HSPBP1: variants seen among roughly 807,000 people sequenced by gnomAD.
HSPBP1 encodes the protein HSPA (Hsp70) binding protein 1.
HSPBP1 carries 31 observed loss-of-function variants against 41.7 expected under a neutral mutation model. The observed-to-expected ratio is 0.74, with a 90% CI of 0.56 to 1.00. The LOEUF is 1.00. HSPBP1 is among the 50% of genes least tolerant of loss of function. The probability of loss-of-function intolerance (pLI) is 0.00; values close to 1 mark genes in which losing one functional copy is unlikely to be tolerated. For synonymous variants in HSPBP1, 199 were observed against 214.4 expected (o/e 0.93, Z 0.63); for missense variants, 439 against 487.9 (o/e 0.90, Z 0.94).
intron 7 of HSPBP1, among the ~76,000 whole-genome samples, chr19:55,264,164 T>G (rs935765876): frequency 1.3e-5 from 2 of 152,130 alleles, no homozygotes; most frequent in Non-Finnish European, 2.9e-5. Flanking sequence ...AGATGGGGTT[T>G]TACCATGTTG....
rs192551318 is a variant in HSPBP1, at chr19:55,278,536, C to T, written c.211-690G>A. On this transcript the variant is annotated intron_variant, in intron 2 of 7. Transcript: ENST00000433386. The stretch of plus-strand genomic sequence containing the variant: ...GTATATATCATTGTTATCCCCACTT[C>T]GCAGATGAGAAAGTTGAGTCACAGA... Among the ~76,000 whole-genome samples, 174 of 152,218 alleles carry T rather than the reference C, an allele frequency of 1.1e-3. No homozygotes were observed. The Middle Eastern group carries it at 0.014, about 12-fold the overall frequency.
At position 55,262,588 on chromosome 19, in the gene HSPBP1, G is replaced by C. The variant is rs759545944; in HGVS notation, c.*20C>G. On this transcript the variant is annotated 3_prime_UTR_variant, in exon 8 of 8. Transcript: ENST00000433386. ...AGGCCTGGGGTTCCCACGGAGAAGG[G>C]GGCAAGAAGCCACCTGGTTTCACCG... 6 of 1,612,948 alleles carry C rather than the reference G, an allele frequency of 3.7e-6. No individual in the cohort carries two copies. Among genetic ancestry groups the C allele is most frequent in the Non-Finnish European group, 5.1e-6 (6 of 1,179,460 alleles).
At position 55,262,638 on chromosome 19, in the gene HSPBP1, G is replaced by A. The variant is rs1250473731; in HGVS notation, c.1050C>T (p.Ser350=). 1.9e-6 allele frequency: 3 copies of A among 1,613,898 alleles called. No individual in the cohort carries two copies. The highest frequency in any genetic ancestry group is 1.7e-6 in the Non-Finnish European group (2 of 1,179,876). Residue 350 remains serine, a synonymous_variant, in exon 8 of 8, where the codon TCC becomes TCT. Transcript: ENST00000433386. ...GATCCATGCTGTCGTCCGCTGGGCT[G>A]GAGAAACAGGTCTGTAGCAGCTTTT... ...FCEKLLQTCF[S]SPADDSMDR
At chr19:55,265,621 G>C (rs2087755033) in intron 6 of HSPBP1, among the ~76,000 whole-genome samples, 1 of 152,010 alleles carries the variant, frequency 6.6e-6, no homozygotes, top group Non-Finnish European at 1.5e-5. Flanking sequence ...GTGCTGTTGA[G>C]AGCTCCAGCA....
chr19:55,274,347 A>AACCC, intron 4 of HSPBP1, 51 bp downstream of exon 4: 2 of 325,718 alleles, frequency 6.1e-6, no homozygotes, highest in Non-Finnish European at 5.7e-6. Flanking sequence ...CCCACCCGGC[A>AACCC]CCCCCCCCCA....
At chr19:55,266,069 C>G in intron 5 of HSPBP1, 62 bp downstream of exon 5, 1 of 1,570,170 alleles carries the variant, frequency 6.4e-7, no homozygotes. Context: ...CCTTCTCCCA[C>G]ACCTGCACCC....
In HSPBP1 at chr19:55,279,394, T is replaced by A. The variant is rs200635936; in HGVS notation, c.210+5A>T. 6.8e-5 allele frequency: 107 copies of A among 1,582,900 alleles called. No individual in the cohort carries two copies. In the African/African-American group the frequency reaches 1.4e-3, roughly 21 times the overall value. ...ACCCCAGCTTCTTGGGTCCCCATCC[T>A]TTACCTCCTCACTCATCGGTTCTGG... is the stretch of plus-strand genomic sequence containing the variant. On this transcript the variant is annotated splice_donor_5th_base_variant and intron_variant, in intron 2 of 7. Coordinates refer to ENST00000433386, the MANE Select transcript of HSPBP1 (RefSeq NM_012267.5).
intron 4 of HSPBP1, among the ~76,000 whole-genome samples, chr19:55,274,181 C>T (rs956937173): frequency 3.3e-5 from 5 of 152,190 alleles, no homozygotes; most frequent in South Asian, 2.1e-4. Flanking sequence ...GTGGTCTCCC[C>T]GGGAAGTGGT....
Position 55,265,319 on chromosome 19 carries a change from G to A in HSPBP1, c.964C>T (p.Arg322Cys), listed in dbSNP as rs374027253. ...TGCTGCAGCAGCTGACAGCGGTGGC[G>A]GAGGAGCTCCTCCAGGCCCAGTTCC... is the stretch of plus-strand genomic sequence containing the variant. ...EPELGLEELL[R>C]HRCQLLQQHE... is the part of the protein sequence containing the mutation. The change falls in exon 7 of 8, where the codon CGC becomes TGC. Residue 322 changes from arginine to cysteine, a missense_variant. Arg to Cys is a radical substitution (Grantham distance 180, BLOSUM62 -3). Transcript: ENST00000433386. 9 of 1,612,676 alleles carry A rather than the reference G, an allele frequency of 5.6e-6. No homozygotes were observed. Among genetic ancestry groups the A allele is most frequent in the South Asian group, 2.2e-5 (2 of 91,038 alleles).
At position 55,272,826 on chromosome 19, in the gene HSPBP1, G is replaced by A. The variant is rs1202096782; in HGVS notation, c.640+1572C>T. On this transcript the variant is annotated intron_variant, in intron 4 of 7. Transcript: ENST00000433386. This position sits in a 1 kb window ranked among gnomAD's most constrained non-coding sequence, Gnocchi z 4.2. Reference sequence around the variant, plus strand: ...GCGCTCCAGCCTGGGTGACAAGAGCGAGACTCTGTCTCAAAAAAAAAAAAA... The same window carrying A: ...GCGCTCCAGCCTGGGTGACAAGAGCAAGACTCTGTCTCAAAAAAAAAAAAA... Among the ~76,000 whole-genome samples, 13 of 145,618 alleles carry A rather than the reference G, an allele frequency of 8.9e-5. No individual in the cohort carries two copies. Among genetic ancestry groups the A allele is most frequent in the African/African-American group, 2.3e-4 (9 of 38,614 alleles).
intron 7 of HSPBP1, among the ~76,000 whole-genome samples, chr19:55,264,679 A>C (rs898694802): frequency 6.6e-6 from 1 of 152,192 alleles, no homozygotes; most frequent in South Asian, 2.1e-4. Context: ...ATGTAAAACA[A>C]CTGTATTGGG....
intron 4 of HSPBP1, among the ~76,000 whole-genome samples, chr19:55,274,091 CG>C: frequency 6.6e-6 from 1 of 152,094 alleles, no homozygotes; most frequent in East Asian, 1.9e-4. Context: ...GGACGGCCCC[CG>C]AGAGAGTGAA....
rs1482190077 is a variant in HSPBP1, at chr19:55,279,482, G to A, written c.127C>T (p.Arg43Cys). 3 of 1,606,518 alleles carry A rather than the reference G, an allele frequency of 1.9e-6. No homozygotes were observed. The highest frequency in any genetic ancestry group is 2.2e-5 in the East Asian group (1 of 44,748). ...AGGSGNSRPP[R>C]NLQGLLQMAI... ...ATCTGCAGCAAGCCTTGGAGGTTGC[G>A]TGGGGGCCGGGAATTGCCCGAGCCC... Residue 43 changes from arginine (R) to cysteine (C), a missense_variant, in exon 2 of 8, where the codon CGC becomes TGC. Transcript: ENST00000433386.
intron 2 of HSPBP1, among the ~76,000 whole-genome samples, chr19:55,279,099 G>C (rs370041327): frequency 2.0e-5 from 3 of 152,032 alleles, no homozygotes; most frequent in African/African-American, 7.2e-5. Flanking sequence ...TGTAAATGAA[G>C]AACTTGAGAT....
At chr19:55,265,483 A>G in intron 6 of HSPBP1, 94 bp from the exon 7 acceptor site, 1 of 972,110 alleles carries the variant, frequency 1.0e-6, no homozygotes, top group Non-Finnish European at 1.6e-6. Context: ...CTCACTCAGG[A>G]GCCTGGCAAG....
chr19:55,280,282 C>G (rs1047717017), upstream of HSPBP1: 1 of 155,496 alleles, frequency 6.4e-6, no homozygotes, highest in Admixed American at 6.5e-5. Flanking sequence ...CTGGGACGCC[C>G]CTTCGTGCGG....
intron 1 of HSPBP1, 140 bp from the exon 2 acceptor site, chr19:55,279,842 T>C: frequency 3.2e-6 from 3 of 941,696 alleles, no homozygotes; most frequent in Non-Finnish European, 4.8e-6. Context: ...AAGCCTCTCC[T>C]TTCTCCCTAG....
In HSPBP1 at chr19:55,265,862, C is replaced by T. The variant is rs376136999; in HGVS notation, c.893+24G>A. 9.8e-5 allele frequency: 154 copies of T among 1,564,670 alleles called. No individual in the cohort carries two copies. The African/African-American group carries it at 1.2e-3, about 12-fold the overall frequency. ...AGGACGGGGCCCCCACCCCAGGCCCCGTCCTCTCAAGGAGCCAAAGTACCT... is the reference window on the plus strand; with the variant it reads ...AGGACGGGGCCCCCACCCCAGGCCCTGTCCTCTCAAGGAGCCAAAGTACCT... On this transcript the variant is annotated intron_variant, in intron 6 of 7. Transcript: ENST00000433386.
chr19:55,279,016 G>A (rs2088156329), intron 2 of HSPBP1, among the ~76,000 whole-genome samples: 1 of 151,292 alleles, frequency 6.6e-6, no homozygotes, highest in East Asian at 1.9e-4. Context: ...CTGTATGCTG[G>A]GCACTGTGTG....
Sources: allele counts gnomAD v4.1 joint callset (sites outside exome capture counted in the v4.1 genomes callset), GRCh38; gene constraint gnomAD v4.1.1; non-coding constraint Gnocchi (gnomAD v3.1); transcripts MANE v1.5; gene names NCBI Gene and HGNC (gene_info 2026-07-23, HGNC 2026-07-21).